PHACTR4: variants seen among roughly 807,000 people sequenced by gnomAD.
PHACTR4 encodes phosphatase and actin regulator 4.
PHACTR4 carries 51 observed loss-of-function variants against 72.7 expected under a neutral mutation model. That is an observed-to-expected ratio of 0.70 (90% CI 0.56 to 0.89). The LOEUF is 0.89. Among genes scored for constraint, PHACTR4 ranks in the 40% least tolerant of loss-of-function variants. The probability of loss-of-function intolerance (pLI) is 0.00; values close to 1 mark genes in which losing one functional copy is unlikely to be tolerated. For synonymous variants in PHACTR4, 255 were observed against 302.5 expected (o/e 0.84, Z 1.63); for missense variants, 731 against 861.8 (o/e 0.85, Z 1.90).
intron 6 of PHACTR4, among the ~76,000 whole-genome samples, chr1:28,469,087 T>C (rs1471591856): frequency 6.6e-6 from 1 of 152,172 alleles, no homozygotes; most frequent in African/African-American, 2.4e-5. Context: ...TAGAGCTAAA[T>C]AGATTTAATT....
chr1:28,452,621 A>G (rs905650114), intron 2 of PHACTR4, among the ~76,000 whole-genome samples: 2 of 151,478 alleles, frequency 1.3e-5, no homozygotes, highest in African/African-American at 4.9e-5. Flanking sequence ...CCTGGCCAAC[A>G]TGTTGAAACC....
chr1:28,412,860 G>A (rs919505847), intron 2 of PHACTR4, among the ~76,000 whole-genome samples: 4 of 152,186 alleles, frequency 2.6e-5, no homozygotes, highest in African/African-American at 9.7e-5. Context: ...CAGGGTTTCA[G>A]TGTGGACTAG....
intron 6 of PHACTR4, among the ~76,000 whole-genome samples, chr1:28,473,280 A>AC (rs201139437): frequency 0.094 from 14,280 of 151,272 alleles, 1,546 homozygotes; most frequent in African/African-American, 0.26. Context: ...TGTCTCAAAA[A>AC]AAAAAAAAAA....
intron 2 of PHACTR4, among the ~76,000 whole-genome samples, chr1:28,455,504 C>T (rs1335830299): frequency 6.6e-6 from 1 of 152,032 alleles, no homozygotes; most frequent in Non-Finnish European, 1.5e-5. Context: ...GCCCCTAATT[C>T]ATTTTTCTTC....
At chr1:28,408,456 G>T (rs1654521893) in intron 2 of PHACTR4, among the ~76,000 whole-genome samples, 11 of 152,172 alleles carry the variant, frequency 7.2e-5, no homozygotes, top group Admixed American at 7.2e-4. Context: ...TACTCAGGAG[G>T]TTGAGGCAGG....
At chr1:28,372,475 A>G (rs4908408) in intron 1 of PHACTR4, among the ~76,000 whole-genome samples, 187 of 152,240 alleles carry the variant, frequency 1.2e-3, no homozygotes, top group Admixed American at 3.8e-3. Context: ...CAGTTCTTCA[A>G]TTTTTAATCC....
At chr1:28,411,275 G>A (rs1654772746) in intron 2 of PHACTR4, among the ~76,000 whole-genome samples, 3 of 152,176 alleles carry the variant, frequency 2.0e-5, no homozygotes, top group African/African-American at 7.2e-5. Context: ...TTGAACTCCT[G>A]ACCTCAGATG....
At chr1:28,404,863 C>T (rs1654209641) in intron 1 of PHACTR4, among the ~76,000 whole-genome samples, 1 of 152,058 alleles carries the variant, frequency 6.6e-6, no homozygotes, top group South Asian at 2.1e-4. Context: ...ATAATTTAGT[C>T]ACCCCGGTAA....
intron 2 of PHACTR4, among the ~76,000 whole-genome samples, chr1:28,445,342 G>A (rs903728871): frequency 6.6e-6 from 1 of 152,116 alleles, no homozygotes; most frequent in African/African-American, 2.4e-5. Flanking sequence ...TCCCACTTTG[G>A]CCTCCCAAAG....
chr1:28,473,490 C>A, intron 6 of PHACTR4, 64 bp from the exon 7 acceptor site: 1 of 1,248,910 alleles, frequency 8.0e-7, no homozygotes, highest in Non-Finnish European at 1.1e-6. Flanking sequence ...AATTCTAGGC[C>A]CTGGGCCGGC....
chr1:28,378,025 G>T (rs867709438), intron 1 of PHACTR4, among the ~76,000 whole-genome samples: 1 of 149,754 alleles, frequency 6.7e-6, no homozygotes, highest in Non-Finnish European at 1.5e-5. Flanking sequence ...GTGAAACCCC[G>T]TCTCTACTAA....
intron 8 of PHACTR4, among the ~76,000 whole-genome samples, chr1:28,476,564 C>G (rs1659934162): frequency 7.6e-6 from 1 of 132,216 alleles, no homozygotes; most frequent in Non-Finnish European, 1.6e-5. Context: ...TTTTTTTGGA[C>G]AAGGTTTTGA....
chr1:28,437,868 G>C (rs942928229), intron 2 of PHACTR4, among the ~76,000 whole-genome samples: 6 of 152,176 alleles, frequency 3.9e-5, no homozygotes, highest in African/African-American at 1.4e-4. Flanking sequence ...GTAAACCTGT[G>C]TCTAAAACAC....
At chr1:28,480,426 A>G (rs1419903008) in intron 8 of PHACTR4, 25 bp from the exon 9 acceptor site, 1 of 1,612,152 alleles carries the variant, frequency 6.2e-7, no homozygotes, top group Non-Finnish European at 8.5e-7. Context: ...CAAGTTCTAC[A>G]TTTTTTTCTT....
intron 2 of PHACTR4, among the ~76,000 whole-genome samples, chr1:28,443,383 G>A (rs954385459): frequency 1.3e-5 from 2 of 151,944 alleles, no homozygotes; most frequent in Admixed American, 6.6e-5. Context: ...CCAGGTTCAA[G>A]CAATTCTCCT....
intron 8 of PHACTR4, among the ~76,000 whole-genome samples, chr1:28,479,475 C>T (rs377092854): frequency 1.2e-4 from 18 of 150,106 alleles, no homozygotes; most frequent in African/African-American, 3.7e-4. Flanking sequence ...CCCAGCTACT[C>T]AGGAGGCTGA....
rs151315247 is a variant in PHACTR4, at chr1:28,446,628, A to G, written c.17-12457A>G. Among the ~76,000 whole-genome samples the G allele has an allele frequency of 8.9e-3, 1,353 of 152,124 alleles. 18 individuals carry two copies. Among genetic ancestry groups the G allele is most frequent in the African/African-American group, 0.031 (1,293 of 41,504 alleles). On this transcript the variant is annotated intron_variant, in intron 2 of 13. Coordinates refer to ENST00000373839, the MANE Select transcript of PHACTR4 (RefSeq NM_001048183.3). ...ACCCTGTCTTTACTAAAACTACAAA[A>G]ATTAGCCGGGCATGGTGGCGTGTGC...
intron 2 of PHACTR4, among the ~76,000 whole-genome samples, chr1:28,443,355 C>T (rs1050603263): frequency 6.6e-6 from 1 of 152,082 alleles, no homozygotes; most frequent in African/African-American, 2.4e-5. Flanking sequence ...GATCTCGGCT[C>T]ACTGCAACCT....
At chr1:28,389,563 C>T (rs1171701550) in intron 1 of PHACTR4, among the ~76,000 whole-genome samples, 2 of 151,176 alleles carry the variant, frequency 1.3e-5, no homozygotes, top group Admixed American at 6.6e-5. Context: ...CTGCAACCTC[C>T]GCCTCCCAGG....
Sources: gnomAD v4.1 joint callset for allele counts (sites outside exome capture counted in the v4.1 genomes callset) on GRCh38, gnomAD v4.1.1 for gene constraint, MANE v1.5 for transcripts, NCBI Gene and HGNC (gene_info 2026-07-23, HGNC 2026-07-21) for gene names.